The following AUTS2 variants were observed in gnomAD, a reference collection of about 807,000 sequenced individuals.
AUTS2 encodes the protein activator of transcription and developmental regulator AUTS2.
Under a neutral mutation model 112.4 loss-of-function variants are expected in AUTS2, and 17 were observed. That is an observed-to-expected ratio of 0.15 (90% CI 0.10 to 0.23). The LOEUF (loss-of-function observed/expected upper bound fraction) is 0.23. AUTS2 is among the 10% of genes least tolerant of loss of function. AUTS2 has a pLI of 1.00. For missense variants in AUTS2, 1,510 were observed against 1,701.6 expected, an observed-to-expected ratio of 0.89 and a Z score of 1.98; for synonymous variants, 751 against 702.7, an observed-to-expected ratio of 1.07 and a Z score of -1.09.
intron 6 of AUTS2, among the ~76,000 whole-genome samples, chr7:70,720,872 T>C (rs1029207664): frequency 1.3e-5 from 2 of 152,074 alleles, no homozygotes; most frequent in African/African-American, 2.4e-5. Context: ...CCATATCAGA[T>C]GATGATGTGA....
At chr7:69,760,977 T>TC (rs1424782751) in intron 1 of AUTS2, among the ~76,000 whole-genome samples, 1 of 152,216 alleles carries the variant, frequency 6.6e-6, no homozygotes, top group Non-Finnish European at 1.5e-5. Flanking sequence ...CCAGAGGAGA[T>TC]GGTTGCAAAC....
At position 70,383,740 on chromosome 7, in the gene AUTS2, G is replaced by C. The variant is rs140031998; in HGVS notation, c.661-52012G>C. Among the ~76,000 whole-genome samples, 101 of 152,342 alleles carry C rather than the reference G, an allele frequency of 6.6e-4. 1 individual carries two copies. In the East Asian group the frequency reaches 0.018, roughly 27 times the overall value. On this transcript the variant is annotated intron_variant, in intron 4 of 18. Coordinates refer to ENST00000342771, the MANE Select transcript of AUTS2 (RefSeq NM_015570.4). ...CATCTCCATAAGACAAGCAAAAATA[G>C]GGTGGTGGTGAGCTCTCAGATCAGC...
chr7:70,408,621 C>T (rs972747376), intron 4 of AUTS2, among the ~76,000 whole-genome samples: 5 of 152,110 alleles, frequency 3.3e-5, no homozygotes, highest in African/African-American at 4.8e-5. Flanking sequence ...ACACTTTTGC[C>T]GACAAAGTAC....
intron 1 of AUTS2, among the ~76,000 whole-genome samples, chr7:69,612,183 G>C (rs1191528896): frequency 6.6e-6 from 1 of 152,130 alleles, no homozygotes; most frequent in Non-Finnish European, 1.5e-5. Context: ...TTAGGTCTGA[G>C]AAATGCTTTA....
At chr7:70,044,958 T>A (rs1410116523) in intron 2 of AUTS2, among the ~76,000 whole-genome samples, 13 of 152,058 alleles carry the variant, frequency 8.5e-5, no homozygotes, top group Admixed American at 7.9e-4. Flanking sequence ...ACTTAGCTCT[T>A]TTTTTCGAAC....
At chr7:70,696,633 C>T (rs547088445) in intron 5 of AUTS2, among the ~76,000 whole-genome samples, 1 of 152,158 alleles carries the variant, frequency 6.6e-6, no homozygotes, top group African/African-American at 2.4e-5. Context: ...GTGGCAGAAG[C>T]AAAAGGCCTG....
chr7:70,042,929 C>T (rs1801309439), intron 2 of AUTS2, among the ~76,000 whole-genome samples: 1 of 151,516 alleles, frequency 6.6e-6, no homozygotes, highest in South Asian at 2.1e-4. Context: ...ATGATTTCAG[C>T]ATTCTCACGG....
intron 4 of AUTS2, among the ~76,000 whole-genome samples, chr7:70,190,024 A>G (rs187631166): frequency 2.1e-4 from 32 of 152,338 alleles, no homozygotes; most frequent in African/African-American, 7.0e-4. Context: ...TGTGCTTAGT[A>G]TCCTTCAGAA....
chr7:69,952,402 G>A (rs971661755), intron 2 of AUTS2, among the ~76,000 whole-genome samples: 1 of 152,108 alleles, frequency 6.6e-6, no homozygotes, highest in African/African-American at 2.4e-5. Flanking sequence ...GCAAGGTTTG[G>A]GCAATTTTGA....
intron 4 of AUTS2, among the ~76,000 whole-genome samples, chr7:70,419,945 G>C (rs1337929439): frequency 6.6e-6 from 1 of 152,116 alleles, no homozygotes; most frequent in Admixed American, 6.5e-5. Flanking sequence ...TGAAAGGAAG[G>C]ATGAGTCTCC....
intron 1 of AUTS2, among the ~76,000 whole-genome samples, chr7:69,862,746 A>G (rs1334893371): frequency 6.6e-6 from 1 of 152,150 alleles, no homozygotes. Flanking sequence ...GCTACAACCC[A>G]TGTGACCAGT....
chr7:70,401,031 G>A (rs1794305544), intron 4 of AUTS2, among the ~76,000 whole-genome samples: 1 of 152,176 alleles, frequency 6.6e-6, no homozygotes, highest in Non-Finnish European at 1.5e-5. Flanking sequence ...GTTAGGGGCT[G>A]TGGGAATGGA....
Position 70,617,437 on chromosome 7 carries a change from C to T in AUTS2, c.691-81132C>T, listed in dbSNP as rs557060139. Among the ~76,000 whole-genome samples the T allele has an allele frequency of 2.9e-4, 44 of 152,130 alleles. 1 individual carries two copies. The South Asian group carries it at 8.5e-3, about 29-fold the overall frequency. On this transcript the variant is annotated intron_variant, in intron 5 of 18. Transcript: ENST00000342771. ...CAGCACTTTGGGAGGCCGAGGTGGGCGGATCATGAGGTCAGGAGATCAAGA... is the reference window on the plus strand; with the variant it reads ...CAGCACTTTGGGAGGCCGAGGTGGGTGGATCATGAGGTCAGGAGATCAAGA...
intron 4 of AUTS2, among the ~76,000 whole-genome samples, chr7:70,374,708 T>C (rs1223710522): frequency 2.0e-5 from 3 of 152,194 alleles, no homozygotes; most frequent in Non-Finnish European, 4.4e-5. Context: ...GAAAGACATA[T>C]AAGGCCTTAA....
chr7:69,690,376 C>T (rs1361497799), intron 1 of AUTS2, among the ~76,000 whole-genome samples: 4 of 152,218 alleles, frequency 2.6e-5, no homozygotes, highest in African/African-American at 7.2e-5. Flanking sequence ...GCCTATGGTG[C>T]CTTTGCCCAA....
intron 1 of AUTS2, among the ~76,000 whole-genome samples, chr7:69,721,574 T>G (rs1417148078): frequency 1.3e-5 from 2 of 152,218 alleles, no homozygotes; most frequent in Non-Finnish European, 2.9e-5. Context: ...GGGTATCTCT[T>G]GCCTATCACA....
intron 6 of AUTS2, among the ~76,000 whole-genome samples, chr7:70,720,458 G>T (rs1786567111): frequency 6.6e-6 from 1 of 152,172 alleles, no homozygotes; most frequent in South Asian, 2.1e-4. Context: ...GAGCTTTTCA[G>T]CATTCTTCCC....
rs77186846 is a variant in AUTS2 at position 69,639,174 on chromosome 7, A to G, written c.309+39212A>G. Among the ~76,000 whole-genome samples, 149 of 152,350 alleles carry G rather than the reference A, an allele frequency of 9.8e-4. 3 individuals are homozygous for G. In the East Asian group the frequency reaches 0.025, roughly 26 times the overall value. On this transcript the variant is annotated intron_variant, in intron 1 of 18. Coordinates refer to ENST00000342771, the MANE Select transcript of AUTS2 (RefSeq NM_015570.4). ...ATGGGATACTGTACTCTTAGGTTCC[A>G]TAATATTTCATAGTACATCTCTTTA...
chr7:69,695,424 A>G (rs1360931686), intron 1 of AUTS2, among the ~76,000 whole-genome samples: 1 of 152,156 alleles, frequency 6.6e-6, no homozygotes, highest in Non-Finnish European at 1.5e-5. Context: ...AGGAAATACT[A>G]TATTGTGTTA....
Sources: gnomAD v4.1 joint callset for allele counts (sites outside exome capture counted in the v4.1 genomes callset) on GRCh38, gnomAD v4.1.1 for gene constraint, MANE v1.5 for transcripts, NCBI Gene and HGNC (gene_info 2026-07-23, HGNC 2026-07-21) for gene names.